Variants in TSHR observed in about 807,000 individuals in gnomAD.
TSHR encodes the protein thyroid stimulating hormone receptor.
A neutral mutation model predicts 64.1 loss-of-function variants in TSHR; 51 were observed. That is an observed-to-expected ratio of 0.80 (90% CI 0.64 to 1.01). The LOEUF (loss-of-function observed/expected upper bound fraction) is 1.01. Among genes scored for constraint, TSHR ranks in the 50% least tolerant of loss-of-function variants. The probability of loss-of-function intolerance (pLI) is 0.00; values close to 1 mark genes in which losing one functional copy is unlikely to be tolerated. For synonymous variants in TSHR, 361 were observed against 361.9 expected (o/e 1.00, Z 0.03); for missense variants, 877 against 942.8 (o/e 0.93, Z 0.91).
At chr14:81,107,953 C>T (rs1007183783) in intron 7 of TSHR, among the ~76,000 whole-genome samples, 14 of 152,076 alleles carry the variant, frequency 9.2e-5, no homozygotes, top group African/African-American at 2.9e-4. Context: ...ACCACCCTCA[C>T]CATCTTCATT....
rs1014099967 is a variant in TSHR at position 81,067,165 on chromosome 14, C to T, written c.243-1089C>T. ...TGTGGAATGTTCCACTAGAGAATTG[C>T]GATTTTCTCTTCATCTTTGAAACTA... On this transcript the variant is annotated intron_variant, in intron 2 of 9. Transcript: ENST00000298171. 1.3e-5 allele frequency among the ~76,000 whole-genome samples: 2 copies of T among 151,970 alleles called. 1 individual carries two copies. The highest frequency in any genetic ancestry group is 3.9e-4 in the East Asian group (2 of 5,184).
At chr14:81,001,408 C>A in intron 1 of TSHR, 1 of 423,410 alleles carries the variant, frequency 2.4e-6, no homozygotes, top group Non-Finnish European at 4.7e-6. Context: ...CGACCATGAG[C>A]TCTATAAGGC....
intron 1 of TSHR, among the ~76,000 whole-genome samples, chr14:81,038,242 C>T (rs1322340001): frequency 6.6e-6 from 1 of 151,642 alleles, no homozygotes; most frequent in Non-Finnish European, 1.5e-5. Flanking sequence ...ACCAATGGGC[C>T]AATCAAAATA....
chr14:81,115,243 G>A (rs1248548947), intron 8 of TSHR, among the ~76,000 whole-genome samples: 2 of 151,864 alleles, frequency 1.3e-5, no homozygotes, highest in African/African-American at 4.8e-5. Flanking sequence ...AGCTACAGGA[G>A]GACATTCAAA....
At position 80,955,807 on chromosome 14, in the gene TSHR, G is replaced by C. The variant is rs1886638900; in HGVS notation, c.127G>C (p.Asp43His). The change falls in exon 1 of 10, where the codon GAT becomes CAT. Residue 43 changes from aspartate (D) to histidine (H), a missense_variant. Coordinates refer to ENST00000298171, the MANE Select transcript of TSHR (RefSeq NM_000369.5). Reference protein sequence around the residue: ...QEEDFRVTCKDIQRIPSLPPS... With the variant: ...QEEDFRVTCKHIQRIPSLPPS... Reference sequence around the variant, plus strand: ...GGAGGACTTCAGAGTCACCTGCAAGGATATTCAACGCATCCCCAGCTTACC... The same window carrying C: ...GGAGGACTTCAGAGTCACCTGCAAGCATATTCAACGCATCCCCAGCTTACC... The C allele has an allele frequency of 6.2e-7, 1 of 1,614,204 alleles. No individual in the cohort carries two copies. Among genetic ancestry groups the C allele is most frequent in the East Asian group, 2.2e-5 (1 of 44,878 alleles).
intron 7 of TSHR, among the ~76,000 whole-genome samples, chr14:81,099,932 GCT>G (rs1483805232): frequency 2.0e-5 from 3 of 152,072 alleles, no homozygotes; most frequent in Admixed American, 6.5e-5. Context: ...AGGTCTAGCA[GCT>G]TATTATCTTA....
At chr14:81,020,024 G>T (rs558307100) in intron 1 of TSHR, among the ~76,000 whole-genome samples, 14 of 152,256 alleles carry the variant, frequency 9.2e-5, no homozygotes, top group African/African-American at 3.4e-4. Flanking sequence ...AGATCCTTGA[G>T]GAATCGCCAC....
chr14:81,000,076 C>T (rs906553044), intron 1 of TSHR, among the ~76,000 whole-genome samples: 2 of 151,776 alleles, frequency 1.3e-5, no homozygotes, highest in African/African-American at 2.4e-5. Flanking sequence ...GGACTACAGG[C>T]GCATGCCACC....
Position 81,103,035 on chromosome 14 carries a change from C to A in TSHR, c.615-5340C>A. The A allele has an allele frequency of 2.0e-6, 2 of 985,352 alleles. No homozygotes were observed. The highest frequency in any genetic ancestry group is 1.7e-5 in the African/African-American group (1 of 57,318). The allele number at this position is 985,352 out of a possible 1,614,324, so 61.0% of individuals were successfully genotyped here. A position where few individuals can be genotyped will look rare whatever the true frequency, so the allele number is the denominator to read the frequency against. On this transcript the variant is annotated intron_variant, in intron 7 of 9. Transcript: ENST00000298171. This position sits in a 1 kb window ranked among gnomAD's most constrained non-coding sequence, Gnocchi z 4.1. ...GACTCCTAGTCAATAGAAATTTATT[C>A]TTTCCTAGATTTAAGCACTTCAGTA...
intron 9 of TSHR, among the ~76,000 whole-genome samples, chr14:81,141,629 C>A (rs1373863059): frequency 6.6e-6 from 1 of 152,106 alleles, no homozygotes; most frequent in East Asian, 1.9e-4. Context: ...AACAGGCTGG[C>A]CGGGGGCAGT....
At chr14:80,983,651 G>C in intron 1 of TSHR, 1 of 819,700 alleles carries the variant, frequency 1.2e-6, no homozygotes. Flanking sequence ...ATGAGCCAGA[G>C]ATAGAACACT....
chr14:81,137,035 T>C (rs749843152), intron 8 of TSHR, among the ~76,000 whole-genome samples: 1 of 152,126 alleles, frequency 6.6e-6, no homozygotes, highest in South Asian at 2.1e-4. Context: ...GGACACAACA[T>C]CCCTTATTTC....
In TSHR at chr14:80,989,362, T is replaced by C. The variant is rs554145515; in HGVS notation, c.170+33512T>C. ...TCATTCTCTCATAGTAGGTGTTCCA[T>C]GGATATGTTGGGTCAATGAATATCC... On this transcript the variant is annotated intron_variant, in intron 1 of 9. Coordinates refer to ENST00000298171, the MANE Select transcript of TSHR (RefSeq NM_000369.5). Among the ~76,000 whole-genome samples, 11 of 152,296 alleles carry C rather than the reference T, an allele frequency of 7.2e-5. 1 individual carries two copies. In the South Asian group the frequency reaches 2.3e-3, roughly 32 times the overall value.
chr14:81,000,114 T>C (rs1388629356), intron 1 of TSHR, among the ~76,000 whole-genome samples: 3 of 151,942 alleles, frequency 2.0e-5, no homozygotes, highest in Non-Finnish European at 4.4e-5. Flanking sequence ...TGTATTTTAG[T>C]AGAGACAGGG....
chr14:81,050,502 C>T (rs990343453), intron 1 of TSHR: 3 of 152,052 alleles, frequency 2.0e-5, no homozygotes, highest in African/African-American at 7.2e-5. Flanking sequence ...TTGTATTTCT[C>T]ATCATCAATA....
At chr14:81,003,810 A>G (rs1455819495) in intron 1 of TSHR, among the ~76,000 whole-genome samples, 1 of 152,026 alleles carries the variant, frequency 6.6e-6, no homozygotes, top group Non-Finnish European at 1.5e-5. Flanking sequence ...CTCAGCTTTA[A>G]TGGCTTTGCA....
intron 1 of TSHR, among the ~76,000 whole-genome samples, chr14:80,963,809 G>A (rs1477967988): frequency 6.6e-6 from 1 of 152,344 alleles, no homozygotes; most frequent in South Asian, 2.1e-4. Context: ...GAGAAGGGCA[G>A]GAAAAAGTCG....
At chr14:81,108,645 G>A in intron 8 of TSHR, 193 bp downstream of exon 8, 2 of 1,614,076 alleles carry the variant, frequency 1.2e-6, no homozygotes, top group Non-Finnish European at 1.7e-6. Flanking sequence ...TGTCCTTTGA[G>A]ACTCAGAAGG....
intron 7 of TSHR, among the ~76,000 whole-genome samples, chr14:81,101,752 T>C (rs557126689): frequency 6.6e-6 from 1 of 152,190 alleles, no homozygotes; most frequent in Admixed American, 6.5e-5. Flanking sequence ...CCAAGAAACC[T>C]GATCTGCACA....
Sources: gnomAD v4.1 joint callset for allele counts (sites outside exome capture counted in the v4.1 genomes callset) on GRCh38, gnomAD v4.1.1 for gene constraint, Gnocchi (gnomAD v3.1) non-coding constraint, MANE v1.5 for transcripts, NCBI Gene and HGNC (gene_info 2026-07-23, HGNC 2026-07-21) for gene names.